The following RELT variants were observed in gnomAD, a reference collection of about 807,000 sequenced individuals.
RELT encodes the protein RELT TNF receptor, also known as tumor necrosis factor receptor superfamily member 19L.
In RELT, 37 loss-of-function variants were observed where a neutral mutation model predicts 51.1. The observed-to-expected ratio is 0.72, with a 90% CI of 0.56 to 0.95. RELT has a LOEUF of 0.95. Ranked by LOEUF, RELT falls within the 40% of genes least tolerant of loss-of-function variation. RELT has a pLI of 0.00. For missense variants in RELT, 535 were observed against 572.6 expected (o/e 0.93, Z 0.67); for synonymous variants, 241 against 235.7 (o/e 1.02, Z -0.21).
At chr11:73,387,920 C>T (rs919764359) in intron 1 of RELT, among the ~76,000 whole-genome samples, 2 of 152,212 alleles carry the variant, frequency 1.3e-5, no homozygotes, top group Admixed American at 6.5e-5. Context: ...TAAGAGGCTG[C>T]GTGTGGCCTG....
rs770951483 is a variant in RELT at position 73,395,303 on chromosome 11, A to G, written c.1245+18A>G. ...AGGCCGAGGTGAGAGTCAAGGAGAA[A>G]GGCATCTGTTGGCACCTGGGCCAAC... On this transcript the variant is annotated intron_variant, in intron 10 of 10. Coordinates refer to ENST00000064780, the MANE Select transcript of RELT (RefSeq NM_152222.2). 4 of 1,611,760 alleles carry G rather than the reference A, an allele frequency of 2.5e-6. No individual in the cohort carries two copies. Among genetic ancestry groups the G allele is most frequent in the South Asian group, 1.1e-5 (1 of 91,030 alleles).
rs755447762 is a variant in RELT, at chr11:73,390,739, C to G, written c.121-16C>G. ...GCTTGGCTCCTGGCCATGCTCTCAC[C>G]CTTTACCTCCCACAGGACCCAGGGC... On this transcript the variant is annotated splice_polypyrimidine_tract_variant and intron_variant, in intron 3 of 10. Transcript: ENST00000064780. The G allele has an allele frequency of 3.1e-6, 5 of 1,606,856 alleles. No homozygotes were observed. The Admixed American group carries it at 8.5e-5, about 27-fold the overall frequency.
intron 10 of RELT, 28 bp from the exon 11 acceptor site, chr11:73,395,416 G>C: frequency 3.8e-6 from 4 of 1,046,570 alleles, no homozygotes; most frequent in Non-Finnish European, 6.0e-6. Context: ...CCCTGACTCA[G>C]CTCTGACCCC....
At chr11:73,384,970 C>T (rs60038108) in intron 1 of RELT, among the ~76,000 whole-genome samples, 2,736 of 150,552 alleles carry the variant, frequency 0.018, 56 homozygotes, top group African/African-American at 0.056. Context: ...GCAGGTGCAG[C>T]GTGTGTGAGG....
intron 1 of RELT, among the ~76,000 whole-genome samples, chr11:73,380,387 G>A (rs1866032578): frequency 6.6e-6 from 1 of 152,192 alleles, no homozygotes; most frequent in Non-Finnish European, 1.5e-5. Flanking sequence ...TGCTTGTCAT[G>A]GTCCTCGACA....
Position 73,393,552 on chromosome 11 carries a change from G to A in RELT, c.626-285G>A, listed in dbSNP as rs981632605. The A allele has an allele frequency of 3.7e-6, 5 of 1,361,994 alleles. No individual in the cohort carries two copies. In the African/African-American group the frequency reaches 4.4e-5, roughly 12 times the overall value. 84.4% of individuals were successfully genotyped at this position (1,361,994 alleles called of 1,614,324 possible). On this transcript the variant is annotated intron_variant, in intron 6 of 10. Transcript: ENST00000064780. ...CAGACCCAGAAGACGCTGACGCACCGCCCCCTCGCCCGCCCAATTCAATGA... is the reference window on the plus strand; with the variant it reads ...CAGACCCAGAAGACGCTGACGCACCACCCCCTCGCCCGCCCAATTCAATGA...
chr11:73,394,016 T>G lies in RELT; in HGVS notation c.706+99T>G, dbSNP rs1419876723. 8.1e-7 allele frequency: 1 copy of G among 1,231,374 alleles called. No homozygotes were observed. Among genetic ancestry groups the G allele is most frequent in the African/African-American group, 1.5e-5 (1 of 67,332 alleles). The allele number at this position is 1,231,374 out of a possible 1,614,324, so 76.3% of individuals were successfully genotyped here. ...CGGTGGGCAGAGTCTTGCCCTGCTCTGCCTTCCCTGCCAGGGTGCCTCAAG... is the reference window on the plus strand; with the variant it reads ...CGGTGGGCAGAGTCTTGCCCTGCTCGGCCTTCCCTGCCAGGGTGCCTCAAG... On this transcript the variant is annotated intron_variant, in intron 7 of 10. Transcript: ENST00000064780. This position sits in a 1 kb window ranked among gnomAD's most constrained non-coding sequence, Gnocchi z 4.9.
intron 1 of RELT, chr11:73,384,363 C>G (rs1866091770): frequency 6.6e-6 from 1 of 152,354 alleles, no homozygotes; most frequent in African/African-American, 2.4e-5. Context: ...CCAGGGCGAA[C>G]CCAGCACCGC....
At chr11:73,376,933 G>A (rs557784290) in intron 1 of RELT, 1 of 153,546 alleles carries the variant, frequency 6.5e-6, no homozygotes, top group African/African-American at 2.4e-5. Context: ...CCAAGGGGGG[G>A]TCTGGATGGT....
chr11:73,390,477 G>A lies in RELT; in HGVS notation c.46-74G>A, dbSNP rs541468733. The A allele has an allele frequency of 1.9e-5, 26 of 1,380,080 alleles. No individual in the cohort carries two copies. The East Asian group carries it at 5.7e-4, about 30-fold the overall frequency. 85.5% of individuals were successfully genotyped at this position (1,380,080 alleles called of 1,614,324 possible). A position where few individuals can be genotyped will look rare whatever the true frequency, so the allele number is the denominator to read the frequency against. ...CCTACCACTGGGGTTTCAGGAAATA[G>A]GTGGGGGATAGATGACCCCAGAGAC... is the stretch of plus-strand genomic sequence containing the variant. On this transcript the variant is annotated intron_variant, in intron 2 of 10. Coordinates refer to ENST00000064780, the MANE Select transcript of RELT (RefSeq NM_152222.2).
intron 1 of RELT, among the ~76,000 whole-genome samples, chr11:73,386,141 G>C (rs1320705549): frequency 6.6e-6 from 1 of 152,216 alleles, no homozygotes; most frequent in East Asian, 1.9e-4. Context: ...GGTCCCAAAG[G>C]GAGTTGGTGG....
Position 73,389,265 on chromosome 11 carries a change from G to A in RELT, c.45+84G>A, listed in dbSNP as rs114170412. ...CCAGCAAGAGGGTGCAGACACTCCC[G>A]GGGAACCCCCTGCTGGGCAGGGCTC... On this transcript the variant is annotated intron_variant, in intron 2 of 10. Coordinates refer to ENST00000064780, the MANE Select transcript of RELT (RefSeq NM_152222.2). 1,727 of 971,598 alleles carry A rather than the reference G, an allele frequency of 1.8e-3. 26 individuals carry two copies. In the African/African-American group the frequency reaches 0.027, roughly 15 times the overall value. The allele number at this position is 971,598 out of a possible 1,614,324, so 60.2% of individuals were successfully genotyped here. A position where few individuals can be genotyped will look rare whatever the true frequency, so the allele number is the denominator to read the frequency against.
chr11:73,386,912 G>T (rs1486928532), intron 1 of RELT, among the ~76,000 whole-genome samples: 1 of 151,686 alleles, frequency 6.6e-6, no homozygotes. Context: ...TGGGGGCTGG[G>T]CTGTTGGGTT....
At chr11:73,392,107 C>A in intron 5 of RELT, 104 bp from the exon 6 acceptor site, 1 of 1,362,850 alleles carries the variant, frequency 7.3e-7, no homozygotes, top group Non-Finnish European at 1.0e-6. Context: ...CCCCTGGGCA[C>A]ATTGGCTCTC....
At position 73,395,641 on chromosome 11, in the gene RELT, C is replaced by T. The variant is rs921445683; in HGVS notation, c.*150C>T. The T allele has an allele frequency of 3.1e-5, 21 of 683,942 alleles. No individual in the cohort carries two copies. In the Middle Eastern group the frequency reaches 1.5e-3, roughly 49 times the overall value. The allele number at this position is 683,942 out of a possible 1,614,324, so 42.4% of individuals were successfully genotyped here. On this transcript the variant is annotated 3_prime_UTR_variant, in exon 11 of 11. Coordinates refer to ENST00000064780, the MANE Select transcript of RELT (RefSeq NM_152222.2). Reference sequence around the variant, plus strand: ...AAAGACCAAGGCCTGGAGGTGGGAGCGTCTGCCCCAGTGAGGAGGCAGGTG... The same window carrying T: ...AAAGACCAAGGCCTGGAGGTGGGAGTGTCTGCCCCAGTGAGGAGGCAGGTG...
At chr11:73,387,703 C>T (rs1461389229) in intron 1 of RELT, among the ~76,000 whole-genome samples, 1 of 152,272 alleles carries the variant, frequency 6.6e-6, no homozygotes, top group East Asian at 1.9e-4. Flanking sequence ...CTGAGATCTG[C>T]CAAGAGGGAG....
rs1453473569 is a variant in RELT at position 73,394,774 on chromosome 11, T to A, written c.1046+40T>A. The stretch of plus-strand genomic sequence containing the variant: ...GATGCAGCAGGGGCAGGTAAAGACG[T>A]GACAGCCTGGGGGCCGGGAGGGGGA... On this transcript the variant is annotated intron_variant, in intron 9 of 10. Transcript: ENST00000064780. The surrounding 1 kb of genome is among the most constrained non-coding windows in gnomAD (Gnocchi z 4.9). 2 of 1,589,678 alleles carry A rather than the reference T, an allele frequency of 1.3e-6. No individual in the cohort carries two copies. The highest frequency in any genetic ancestry group is 1.7e-6 in the Non-Finnish European group (2 of 1,170,950).
chr11:73,395,230 G>C lies in RELT; in HGVS notation c.1190G>C (p.Gly397Ala), dbSNP rs1866297262. 1.2e-6 allele frequency: 2 copies of C among 1,613,154 alleles called. No homozygotes were observed. Among genetic ancestry groups the C allele is most frequent in the Non-Finnish European group, 1.7e-6 (2 of 1,179,966 alleles). Residue 397 changes from glycine to alanine, a missense_variant, in exon 10 of 11, where the codon GGA becomes GCA. By Grantham distance (60) the Gly-to-Ala change is moderately conservative (BLOSUM62 0). Transcript: ENST00000064780. ...GLPPEQQALL[G>A]SGGSRTKWLK... ...CCCCCTGAGCAGCAGGCCCTGCTAG[G>C]AAGTGGCGGAAGCCGTACAAAGTGG... is the stretch of plus-strand genomic sequence containing the variant.
At position 73,388,693 on chromosome 11, in the gene RELT, C is replaced by A. The variant is rs1379830900; in HGVS notation, c.-25-419C>A. 6.6e-6 allele frequency among the ~76,000 whole-genome samples: 1 copy of A among 152,224 alleles called. No individual in the cohort carries two copies. Among genetic ancestry groups the A allele is most frequent in the South Asian group, 2.1e-4 (1 of 4,830 alleles). On this transcript the variant is annotated intron_variant, in intron 1 of 10. Transcript: ENST00000064780. The surrounding 1 kb of genome is among the most constrained non-coding windows in gnomAD (Gnocchi z 4.1). ...GAGGAGGAGGCGGGGGGAGCCTGAG[C>A]CTGGAGCGCTGGGCTGGAGTGTGGA...
Sources: allele counts gnomAD v4.1 joint callset (sites outside exome capture counted in the v4.1 genomes callset), GRCh38; gene constraint gnomAD v4.1.1; non-coding constraint Gnocchi (gnomAD v3.1); transcripts MANE v1.5; gene names NCBI Gene and HGNC (gene_info 2026-07-23, HGNC 2026-07-21).